GLB1L2: variants seen among roughly 807,000 people sequenced by gnomAD.
GLB1L2 encodes the protein beta-galactosidase-1-like protein 2.
Under a neutral mutation model 84.1 loss-of-function variants are expected in GLB1L2, and 68 were observed. The observed-to-expected ratio is 0.81, with a 90% CI of 0.67 to 0.99. The LOEUF is 0.99. GLB1L2 is among the 50% of genes least tolerant of loss of function. GLB1L2 has a pLI of 0.00. For missense variants in GLB1L2, 762 were observed against 805.6 expected, an observed-to-expected ratio of 0.95 and a Z score of 0.66; for synonymous variants, 290 against 318.0, an observed-to-expected ratio of 0.91 and a Z score of 0.94.
At chr11:134,361,723 G>T (rs1943792505) in intron 7 of GLB1L2, among the ~76,000 whole-genome samples, 2 of 152,156 alleles carry the variant, frequency 1.3e-5, no homozygotes, top group African/African-American at 4.8e-5. Flanking sequence ...TCGTGTGGAG[G>T]CCTCGCTCTC....
intron 6 of GLB1L2, among the ~76,000 whole-genome samples, chr11:134,358,843 C>T (rs1943741858): frequency 6.6e-6 from 1 of 152,268 alleles, no homozygotes. Context: ...AGTTTGCCAG[C>T]CCTGCCCCTG....
chr11:134,360,075 T>A (rs563191749), intron 7 of GLB1L2: 1 of 152,516 alleles, frequency 6.6e-6, no homozygotes, highest in Admixed American at 6.5e-5. Context: ...TTGGCGGGGC[T>A]TGGGCTTTGG....
intron 1 of GLB1L2, among the ~76,000 whole-genome samples, chr11:134,341,298 C>T (rs1943457743): frequency 1.3e-5 from 2 of 152,168 alleles, no homozygotes; most frequent in South Asian, 4.1e-4. Context: ...TCACAGCAGC[C>T]TTTCTGAGCA....
Position 134,370,159 on chromosome 11 carries a change from A to G in GLB1L2, c.1109-134A>G. 1.2e-6 allele frequency: 1 copy of G among 815,694 alleles called. No individual in the cohort carries two copies. Among genetic ancestry groups the G allele is most frequent in the Non-Finnish European group, 2.1e-6 (1 of 478,486 alleles). 50.5% of individuals were successfully genotyped at this position (815,694 alleles called of 1,614,324 possible). Reference sequence around the variant, plus strand: ...TCCTCCCTGGCCTCAGCAGGTGCTGAGAGCTAGCCTGTTGTTCCTCTTGGT... The same window carrying G: ...TCCTCCCTGGCCTCAGCAGGTGCTGGGAGCTAGCCTGTTGTTCCTCTTGGT... On this transcript the variant is annotated intron_variant, in intron 11 of 18. Coordinates refer to ENST00000535456, the MANE Select transcript of GLB1L2 (RefSeq NM_001370461.1). This position sits in a 1 kb window ranked among gnomAD's most constrained non-coding sequence, Gnocchi z 4.7.
intron 16 of GLB1L2, 140 bp from the exon 17 acceptor site, chr11:134,374,005 C>T: frequency 4.0e-6 from 3 of 744,450 alleles, no homozygotes; most frequent in South Asian, 1.7e-5. Context: ...CAGCATCCTA[C>T]CGTGCTGCCA....
At chr11:134,362,142 G>C (rs1943801842) in intron 7 of GLB1L2, among the ~76,000 whole-genome samples, 1 of 152,174 alleles carries the variant, frequency 6.6e-6, no homozygotes, top group Non-Finnish European at 1.5e-5. Context: ...GTGCCTTTCA[G>C]CTCTTCTTTC....
At chr11:134,346,956 C>G in intron 4 of GLB1L2, 1 of 221,800 alleles carries the variant, frequency 4.5e-6, no homozygotes, top group South Asian at 7.6e-5. Context: ...CTTCCACAGC[C>G]TCAGTGATTC....
chr11:134,366,088 C>T (rs1298226907), intron 8 of GLB1L2, among the ~76,000 whole-genome samples: 2 of 152,242 alleles, frequency 1.3e-5, no homozygotes, highest in African/African-American at 4.8e-5. Context: ...AGCTCCAGCT[C>T]TTAGCCAGTT....
At chr11:134,374,769 C>T (rs149157884) in intron 18 of GLB1L2, 51 bp downstream of exon 18, 40 of 1,462,598 alleles carry the variant, frequency 2.7e-5, no homozygotes, top group South Asian at 1.3e-4. Flanking sequence ...GCCCACCTGC[C>T]GTCCCAGGGA....
Position 134,367,292 on chromosome 11 carries a change from G to T in GLB1L2, c.840G>T (p.Thr280=), listed in dbSNP as rs1382294071. 2 of 1,614,002 alleles carry T rather than the reference G, an allele frequency of 1.2e-6. No homozygotes were observed. The highest frequency in any genetic ancestry group is 2.7e-5 in the African/African-American group (2 of 74,934). Reference sequence around the variant, plus strand: ...CCAAGATGGTGATGGAGTACTGGACGGGGTGGTTTGACTCGTGGGGAGGCC... The same window carrying T: ...CCAAGATGGTGATGGAGTACTGGACTGGGTGGTTTGACTCGTGGGGAGGCC... ...TQPKMVMEYW[T]GWFDSWGGPH... Residue 280 remains threonine, a synonymous_variant, in exon 9 of 19, where the codon ACG becomes ACT. Transcript: ENST00000535456.
chr11:134,357,844 G>A (rs1943725163), intron 6 of GLB1L2, among the ~76,000 whole-genome samples: 1 of 152,242 alleles, frequency 6.6e-6, no homozygotes, highest in Non-Finnish European at 1.5e-5. Flanking sequence ...GCAGATCTCT[G>A]GTGCTCAGGC....
At chr11:134,352,026 T>A (rs1381344786) in intron 5 of GLB1L2, among the ~76,000 whole-genome samples, 1 of 152,140 alleles carries the variant, frequency 6.6e-6, no homozygotes, top group African/African-American at 2.4e-5. Context: ...TGGCGTTAAT[T>A]TTTCTTTAAA....
chr11:134,345,496 A>G (rs1355438758), intron 4 of GLB1L2, among the ~76,000 whole-genome samples: 2 of 152,140 alleles, frequency 1.3e-5, no homozygotes, highest in African/African-American at 2.4e-5. Context: ...TTTGAGACAG[A>G]GTCTTGCTCT....
At chr11:134,343,738 G>A (rs1195330620) in intron 2 of GLB1L2, among the ~76,000 whole-genome samples, 2 of 152,214 alleles carry the variant, frequency 1.3e-5, no homozygotes, top group Non-Finnish European at 1.5e-5. Context: ...ACTCTGACTC[G>A]CAGAAGCAGC....
At position 134,359,130 on chromosome 11, in the gene GLB1L2, T is replaced by C. The variant is rs575572908; in HGVS notation, c.722T>C (p.Ile241Thr). Residue 241 changes from isoleucine (I) to threonine (T), a missense_variant, in exon 7 of 19, where the codon ATT becomes ACT. Coordinates refer to ENST00000535456, the MANE Select transcript of GLB1L2 (RefSeq NM_001370461.1). ...SDNKDGLSKG[I>T]VQGVLATINL... ...AACAAGGATGGGCTGAGCAAGGGGA[T>C]TGTCCAGGGAGGTAACTGCACTTGT... is the stretch of plus-strand genomic sequence containing the variant. 4.6e-5 allele frequency: 73 copies of C among 1,604,056 alleles called. 1 individual carries two copies. The South Asian group carries it at 7.7e-4, about 17-fold the overall frequency.
At chr11:134,340,010 C>T (rs905782836) in intron 1 of GLB1L2, among the ~76,000 whole-genome samples, 2 of 152,064 alleles carry the variant, frequency 1.3e-5, no homozygotes, top group African/African-American at 4.8e-5. Context: ...ATCAACTAAT[C>T]AAGGGGAGAG....
intron 5 of GLB1L2, 45 bp from the exon 6 acceptor site, chr11:134,356,256 T>C (rs1426557804): frequency 6.8e-7 from 1 of 1,477,716 alleles, no homozygotes; most frequent in African/African-American, 1.4e-5. Context: ...GATACTACAG[T>C]TCCCCTGCAC....
Position 134,332,019 on chromosome 11 carries a change from G to A in GLB1L2, c.-43G>A, listed in dbSNP as rs1212755076. ...AGGCTCCCGCGCGCGGCTGAGTGCGGACTGGAGTGGGAACCCGGGTCCCCG... is the reference window on the plus strand; with the variant it reads ...AGGCTCCCGCGCGCGGCTGAGTGCGAACTGGAGTGGGAACCCGGGTCCCCG... On this transcript the variant is annotated 5_prime_UTR_variant, in exon 1 of 19. Coordinates refer to ENST00000535456, the MANE Select transcript of GLB1L2 (RefSeq NM_001370461.1). 1.4e-6 allele frequency: 2 copies of A among 1,408,342 alleles called. No homozygotes were observed. Among genetic ancestry groups the A allele is most frequent in the East Asian group, 2.7e-5 (1 of 36,864 alleles). 87.2% of individuals were successfully genotyped at this position (1,408,342 alleles called of 1,614,324 possible). A position where few individuals can be genotyped will look rare whatever the true frequency, so the allele number is the denominator to read the frequency against.
At chr11:134,367,431 G>C (rs1943880799) in intron 9 of GLB1L2, 90 bp downstream of exon 9, 3 of 1,058,516 alleles carry the variant, frequency 2.8e-6, no homozygotes, top group Non-Finnish European at 4.2e-6. Flanking sequence ...GTAAGCCATA[G>C]GGGGTGCAAG....
Sources: allele counts gnomAD v4.1 joint callset (sites outside exome capture counted in the v4.1 genomes callset), GRCh38; gene constraint gnomAD v4.1.1; non-coding constraint Gnocchi (gnomAD v3.1); transcripts MANE v1.5; gene names NCBI Gene and HGNC (gene_info 2026-07-23, HGNC 2026-07-21).